FOXN3: variants seen among roughly 807,000 people sequenced by gnomAD.
FOXN3 encodes the protein forkhead box N3.
Under a neutral mutation model 38.4 loss-of-function variants are expected in FOXN3, and 7 were observed. That is an observed-to-expected ratio of 0.18 (90% CI 0.10 to 0.34). The LOEUF is 0.34. Ranked by LOEUF, FOXN3 falls within the 10% of genes least tolerant of loss-of-function variation. The pLI is 1.00. For synonymous variants in FOXN3, 230 were observed against 242.2 expected, an observed-to-expected ratio of 0.95 and a Z score of 0.47; for missense variants, 456 against 613.4, an observed-to-expected ratio of 0.74 and a Z score of 2.71.
chr14:89,254,384 G>A (rs1885553016), intron 4 of FOXN3, among the ~76,000 whole-genome samples: 2 of 152,134 alleles, frequency 1.3e-5, no homozygotes, highest in Non-Finnish European at 2.9e-5. Flanking sequence ...CAGTTCAAAT[G>A]GCTGAGTGTC....
At chr14:89,482,772 T>C (rs1411951988) in intron 1 of FOXN3, among the ~76,000 whole-genome samples, 1 of 139,262 alleles carries the variant, frequency 7.2e-6, no homozygotes, top group Non-Finnish European at 1.5e-5. Flanking sequence ...TAGCTGGGCA[T>C]GGTGGCACGT....
At chr14:89,250,851 G>T (rs1416321607) in intron 4 of FOXN3, among the ~76,000 whole-genome samples, 1 of 152,154 alleles carries the variant, frequency 6.6e-6, no homozygotes, top group Non-Finnish European at 1.5e-5. Context: ...ATAAAGGGGA[G>T]TTCCCCTGCA....
chr14:89,222,397 T>C (rs1292926075), intron 4 of FOXN3, among the ~76,000 whole-genome samples: 2 of 152,196 alleles, frequency 1.3e-5, no homozygotes, highest in African/African-American at 4.8e-5. Context: ...GGAAAGACGC[T>C]TACATATATT....
intron 1 of FOXN3, among the ~76,000 whole-genome samples, chr14:89,581,581 G>C (rs895688659): frequency 6.6e-6 from 1 of 152,128 alleles, no homozygotes; most frequent in East Asian, 1.9e-4. Context: ...CTATTCCCCG[G>C]TACCTGCTCT....
chr14:89,538,883 G>A (rs1327891103), intron 1 of FOXN3, among the ~76,000 whole-genome samples: 8 of 151,484 alleles, frequency 5.3e-5, no homozygotes, highest in African/African-American at 9.7e-5. Context: ...TCACTCTGTC[G>A]CCCCGGCTGG....
intron 1 of FOXN3, among the ~76,000 whole-genome samples, chr14:89,521,817 G>C (rs1442304139): frequency 2.6e-5 from 4 of 152,054 alleles, no homozygotes; most frequent in Non-Finnish European, 5.9e-5. Context: ...TTGAGCCCAG[G>C]AGTTCGAGAC....
chr14:89,606,118 A>T (rs1002105167), intron 1 of FOXN3, among the ~76,000 whole-genome samples: 14 of 152,226 alleles, frequency 9.2e-5, no homozygotes, highest in Non-Finnish European at 1.8e-4. Context: ...GGCTATTATA[A>T]ACAATCATTA....
intron 4 of FOXN3, among the ~76,000 whole-genome samples, chr14:89,201,742 A>G (rs1403472961): frequency 2.6e-5 from 4 of 152,112 alleles, no homozygotes; most frequent in Admixed American, 2.6e-4. Context: ...TTCCCCAGTG[A>G]TTGGCTTTCC....
At chr14:89,490,393 C>G (rs1185490131) in intron 1 of FOXN3, among the ~76,000 whole-genome samples, 1 of 152,204 alleles carries the variant, frequency 6.6e-6, no homozygotes, top group Non-Finnish European at 1.5e-5. Flanking sequence ...CAGAAAGCAC[C>G]AGCTGATCCC....
chr14:89,523,002 G>A (rs1161277821), intron 1 of FOXN3, among the ~76,000 whole-genome samples: 4 of 151,302 alleles, frequency 2.6e-5, no homozygotes, highest in South Asian at 2.1e-4. Flanking sequence ...CCACAACTAC[G>A]TTAAAAGCAA....
intron 3 of FOXN3, among the ~76,000 whole-genome samples, chr14:89,322,051 G>A (rs1407665044): frequency 6.6e-6 from 1 of 152,176 alleles, no homozygotes; most frequent in Non-Finnish European, 1.5e-5. Flanking sequence ...CCCTCTTTGG[G>A]TAATCTGAGG....
intron 1 of FOXN3, among the ~76,000 whole-genome samples, chr14:89,535,824 A>C (rs199836871): frequency 6.6e-6 from 1 of 152,216 alleles, no homozygotes; most frequent in East Asian, 1.9e-4. Flanking sequence ...TCTTCAGAAG[A>C]ACTCCCCAAA....
chr14:89,282,445 A>AC (rs1886493991), intron 3 of FOXN3, among the ~76,000 whole-genome samples: 1 of 152,208 alleles, frequency 6.6e-6, no homozygotes, highest in Non-Finnish European at 1.5e-5. Context: ...GGATGATGAC[A>AC]CCAGCTGATT....
At chr14:89,433,352 C>T (rs971139971) in intron 1 of FOXN3, among the ~76,000 whole-genome samples, 6 of 152,038 alleles carry the variant, frequency 3.9e-5, no homozygotes, top group Non-Finnish European at 7.4e-5. Flanking sequence ...CGTGGTGGTG[C>T]GGGCTTGTAG....
At chr14:89,600,061 T>C (rs1896127793) in intron 1 of FOXN3, among the ~76,000 whole-genome samples, 2 of 152,250 alleles carry the variant, frequency 1.3e-5, no homozygotes, top group East Asian at 1.9e-4. Context: ...ATTGCCCTGA[T>C]GGCTCTCCAA....
chr14:89,289,382 A>G (rs1292313190), intron 3 of FOXN3, among the ~76,000 whole-genome samples: 1 of 152,156 alleles, frequency 6.6e-6, no homozygotes, highest in South Asian at 2.1e-4. Context: ...TTAGACTATA[A>G]TAAAACATTA....
intron 4 of FOXN3, among the ~76,000 whole-genome samples, chr14:89,278,238 A>G (rs550525181): frequency 6.6e-5 from 10 of 152,302 alleles, no homozygotes; most frequent in South Asian, 2.1e-4. Context: ...GGGAGAATGA[A>G]AGCCAAGCAA....
chr14:89,210,163 GGGCCT>G (rs1888484919), intron 4 of FOXN3, among the ~76,000 whole-genome samples: 1 of 152,196 alleles, frequency 6.6e-6, no homozygotes, highest in Admixed American at 6.5e-5. Context: ...GTTGGAGGTG[GGGCCT>G]GGCAAGAGGT....
At chr14:89,275,375 C>T (rs1290510447) in intron 4 of FOXN3, among the ~76,000 whole-genome samples, 1 of 152,152 alleles carries the variant, frequency 6.6e-6, no homozygotes, top group Admixed American at 6.5e-5. Context: ...GGGGAAGTTG[C>T]TAGAGTGGAA....
Sources: gnomAD v4.1 joint callset for allele counts (sites outside exome capture counted in the v4.1 genomes callset) on GRCh38, gnomAD v4.1.1 for gene constraint, MANE v1.5 for transcripts, NCBI Gene and HGNC (gene_info 2026-07-23, HGNC 2026-07-21) for gene names.